Variants in ZNG1A observed in about 807,000 individuals in gnomAD.
The protein encoded by ZNG1A is Zn regulated GTPase metalloprotein activator 1A.
At chr9:177,430 G>A in the ZNG1A span, among the ~76,000 whole-genome samples, 2 of 151,498 alleles carry the variant, frequency 1.3e-5, no homozygotes, top group East Asian at 1.9e-4. Flanking sequence ...GGTAACAGAC[G>A]AAGTTTCAGA....
chr9:155,671 A>G, the ZNG1A span, among the ~76,000 whole-genome samples: 1 of 152,188 alleles, frequency 6.6e-6, no homozygotes, highest in Non-Finnish European at 1.5e-5. Context: ...CTAAATTCTC[A>G]AAACTAAATT....
At chr9:156,443 A>G in the ZNG1A span, 6 of 1,561,000 alleles carry the variant, frequency 3.8e-6, no homozygotes, top group South Asian at 1.2e-5. Context: ...TCTCTTTACA[A>G]TTAGCCAGCA....
the ZNG1A span, among the ~76,000 whole-genome samples, chr9:178,092 T>A: frequency 8.6e-5 from 13 of 150,910 alleles, no homozygotes; most frequent in Admixed American, 3.3e-4. Flanking sequence ...TATTTAACTG[T>A]AAGGTTTAAA....
chr9:161,612 G>T, the ZNG1A span: 5 of 1,286,526 alleles, frequency 3.9e-6, no homozygotes, highest in East Asian at 5.5e-5. Context: ...CGGGTCAGTG[G>T]GTGGGATGAT....
chr9:164,844 C>G, the ZNG1A span, among the ~76,000 whole-genome samples: 1 of 152,044 alleles, frequency 6.6e-6, no homozygotes, highest in African/African-American at 2.4e-5. Flanking sequence ...CTAAAGCTGT[C>G]CACCTACTCT....
At chr9:144,511 A>G in the ZNG1A span, among the ~76,000 whole-genome samples, 86 of 152,204 alleles carry the variant, frequency 5.7e-4, no homozygotes, top group East Asian at 0.01. Context: ...AGCTGAAACC[A>G]GATCCCTTCC....
At chr9:139,464 C>A in the ZNG1A span, among the ~76,000 whole-genome samples, 1 of 150,312 alleles carries the variant, frequency 6.7e-6, no homozygotes, top group Non-Finnish European at 1.5e-5. Context: ...CTATAGTTAG[C>A]AATACTGTAT....
At chr9:172,029 T>C in the ZNG1A span, 1 of 1,608,872 alleles carries the variant, frequency 6.2e-7, no homozygotes, top group South Asian at 1.1e-5. Context: ...ATACATCTAT[T>C]TACAATATAT....
chr9:162,796 T>C, the ZNG1A span, among the ~76,000 whole-genome samples: 6 of 150,640 alleles, frequency 4.0e-5, no homozygotes, highest in African/African-American at 1.5e-4. Context: ...TCAAATTTCA[T>C]AACATAGTCA....
the ZNG1A span, among the ~76,000 whole-genome samples, chr9:152,252 T>C: frequency 6.6e-6 from 1 of 151,974 alleles, no homozygotes; most frequent in African/African-American, 2.4e-5. Context: ...ATAATTGTGA[T>C]TTTCCTTCAA....
the ZNG1A span, chr9:154,113 G>A: frequency 1.3e-5 from 2 of 152,688 alleles, no homozygotes; most frequent in African/African-American, 4.9e-5. Context: ...GTCCTATGCT[G>A]ATCAGCCTTG....
At chr9:151,428 C>G in the ZNG1A span, 1 of 949,254 alleles carries the variant, frequency 1.1e-6, no homozygotes, top group Non-Finnish European at 1.2e-6. Context: ...GCTGCTGAGC[C>G]TTTCTCACCA....
chr9:126,544 G>C, the ZNG1A span, among the ~76,000 whole-genome samples: 2 of 152,046 alleles, frequency 1.3e-5, no homozygotes, highest in South Asian at 2.1e-4. Context: ...TGTGGTGTCA[G>C]TTGTAATATC....
At chr9:146,320 T>C in the ZNG1A span, 1 of 656,920 alleles carries the variant, frequency 1.5e-6, no homozygotes, top group Non-Finnish European at 2.5e-6. Flanking sequence ...TTGAAAATTA[T>C]TTGTTTATTA....
chr9:132,458 AG>A, the ZNG1A span, among the ~76,000 whole-genome samples: 1 of 105,836 alleles, frequency 9.4e-6, no homozygotes, highest in African/African-American at 4.0e-5. Context: ...ATCTAGAAGG[AG>A]GAAGTTGCAG....
the ZNG1A span, among the ~76,000 whole-genome samples, chr9:174,249 A>G: frequency 6.6e-6 from 1 of 152,052 alleles, no homozygotes; most frequent in South Asian, 2.1e-4. Flanking sequence ...GTTATCTATA[A>G]GAATTATTTT....
chr9:177,810 C>T, the ZNG1A span: 2 of 1,477,388 alleles, frequency 1.4e-6, no homozygotes, highest in Admixed American at 4.2e-5. Flanking sequence ...AGCAGAGCAG[C>T]CTCTGAATAA....
chr9:131,454 A>G, the ZNG1A span, among the ~76,000 whole-genome samples: 2 of 149,968 alleles, frequency 1.3e-5, no homozygotes, highest in African/African-American at 5.1e-5. Flanking sequence ...CAGAACACTA[A>G]GCCCCCTAAT....
At chr9:178,024 T>A in the ZNG1A span, among the ~76,000 whole-genome samples, 1 of 146,748 alleles carries the variant, frequency 6.8e-6, no homozygotes, top group Non-Finnish European at 1.5e-5. Context: ...GTATTTTATT[T>A]ATATTTCTTA....
Sources: gnomAD v4.1 joint callset for allele counts (sites outside exome capture counted in the v4.1 genomes callset) on GRCh38, gnomAD v4.1.1 for gene constraint, MANE v1.5 for transcripts, NCBI Gene and HGNC (gene_info 2026-07-23, HGNC 2026-07-21) for gene names.